RFX3: variants seen among roughly 807,000 people sequenced by gnomAD.
RFX3 encodes the protein transcription factor RFX3.
Under a neutral mutation model 98.6 loss-of-function variants are expected in RFX3, and 14 were observed. That is an observed-to-expected ratio of 0.14 (90% CI 0.09 to 0.22). RFX3 has a LOEUF of 0.22. Among genes scored for constraint, RFX3 ranks in the 10% least tolerant of loss-of-function variants. The pLI is 1.00. For missense variants in RFX3, 639 were observed against 926.9 expected (o/e 0.69, Z 4.03); for synonymous variants, 383 against 328.4 (o/e 1.17, Z -1.80).
At chr9:3,340,907 C>T (rs529273539) in intron 3 of RFX3, among the ~76,000 whole-genome samples, 1,827 of 152,206 alleles carry the variant, frequency 0.012, 28 homozygotes, top group African/African-American at 0.041. Context: ...TTACTGGGTA[C>T]ATACCCAAAG....
chr9:3,248,279 A>G, intron 14 of RFX3, 94 bp from the exon 15 acceptor site: 1 of 1,433,676 alleles, frequency 7.0e-7, no homozygotes. Flanking sequence ...TCAAGCTGGG[A>G]GTCTATATGG....
intron 1 of RFX3, among the ~76,000 whole-genome samples, chr9:3,516,876 C>T (rs1818231694): frequency 6.6e-6 from 1 of 152,130 alleles, no homozygotes; most frequent in African/African-American, 2.4e-5. Flanking sequence ...AAGCTGGCTC[C>T]GGCAGGAGCT....
intron 1 of RFX3, among the ~76,000 whole-genome samples, chr9:3,474,453 T>A (rs1243555134): frequency 6.6e-6 from 1 of 152,160 alleles, no homozygotes; most frequent in Non-Finnish European, 1.5e-5. Context: ...ACCTACACCA[T>A]TTGCAAGAAG....
chr9:3,351,516 C>A (rs1835124641), intron 2 of RFX3, among the ~76,000 whole-genome samples: 2 of 151,796 alleles, frequency 1.3e-5, no homozygotes, highest in Non-Finnish European at 2.9e-5. Context: ...GGACAACTAA[C>A]AACATAAACA....
chr9:3,271,968 C>T (rs1485575504), intron 9 of RFX3, among the ~76,000 whole-genome samples: 1 of 152,210 alleles, frequency 6.6e-6, no homozygotes, highest in African/African-American at 2.4e-5. Flanking sequence ...TTTCAAATCT[C>T]GGGGGCCTCA....
rs551678268 is a variant in RFX3 at position 3,507,174 on chromosome 9, A to T, written c.-9+18573T>A. On this transcript the variant is annotated intron_variant, in intron 1 of 16. Coordinates refer to ENST00000617270, the MANE Select transcript of RFX3 (RefSeq NM_001282116.2). ...AACTGAACAAACAAAAATCTAAATC[A>T]CAATTTCCAATTAGCAGAGATAATA... 5.9e-5 allele frequency among the ~76,000 whole-genome samples: 9 copies of T among 152,104 alleles called. No homozygotes were observed. The South Asian group carries it at 1.9e-3, about 31-fold the overall frequency.
chr9:3,321,775 C>T (rs995355319), intron 4 of RFX3, among the ~76,000 whole-genome samples: 2 of 152,064 alleles, frequency 1.3e-5, no homozygotes, highest in Admixed American at 6.6e-5. Flanking sequence ...TGATAAAACA[C>T]ACTTTTCTAT....
At chr9:3,460,413 T>A (rs79092445) in intron 1 of RFX3, among the ~76,000 whole-genome samples, 1 of 152,098 alleles carries the variant, frequency 6.6e-6, no homozygotes, top group East Asian at 1.9e-4. Context: ...TTTAACAACA[T>A]CACATAATAG....
intron 4 of RFX3, among the ~76,000 whole-genome samples, chr9:3,306,993 T>A (rs181615194): frequency 3.2e-4 from 49 of 152,086 alleles, no homozygotes; most frequent in Non-Finnish European, 5.3e-4. Context: ...GGCGGGTCTT[T>A]CCTGTGCTGT....
chr9:3,408,909 A>G (rs774647996), intron 1 of RFX3, among the ~76,000 whole-genome samples: 8 of 152,174 alleles, frequency 5.3e-5, no homozygotes, highest in Non-Finnish European at 8.8e-5. Context: ...AAATAAACTT[A>G]TTTTGCCAAA....
chr9:3,320,542 A>ACT (rs56723824), intron 4 of RFX3, among the ~76,000 whole-genome samples: 17,404 of 148,718 alleles, frequency 0.12, 1,151 homozygotes, highest in Middle Eastern at 0.19. Context: ...ACACAGCAAG[A>ACT]CTGTCCCACC....
intron 2 of RFX3, among the ~76,000 whole-genome samples, chr9:3,362,946 G>A (rs1326661614): frequency 6.6e-6 from 1 of 152,174 alleles, no homozygotes; most frequent in Non-Finnish European, 1.5e-5. Context: ...CGACAAAACA[G>A]GATAGATATT....
intron 3 of RFX3, among the ~76,000 whole-genome samples, chr9:3,340,541 T>A (rs1347052014): frequency 6.6e-6 from 1 of 151,964 alleles, no homozygotes; most frequent in Non-Finnish European, 1.5e-5. Context: ...CGCAATGAAC[T>A]CAAACAAATT....
At chr9:3,256,885 G>A in intron 14 of RFX3, 106 bp downstream of exon 14, 1 of 1,052,484 alleles carries the variant, frequency 9.5e-7, no homozygotes, top group Non-Finnish European at 1.4e-6. Flanking sequence ...ACAAACTAAA[G>A]TCTTTATTAC....
chr9:3,414,810 G>A (rs1450129651), intron 1 of RFX3, among the ~76,000 whole-genome samples: 1 of 70,806 alleles, frequency 1.4e-5, no homozygotes, highest in East Asian at 4.4e-4. Flanking sequence ...GAGTATATAT[G>A]TATATATGAG....
chr9:3,411,494 C>A (rs1328814930), intron 1 of RFX3, among the ~76,000 whole-genome samples: 1 of 151,924 alleles, frequency 6.6e-6, no homozygotes, highest in Non-Finnish European at 1.5e-5. Flanking sequence ...GGATTACAGG[C>A]ACCCGCCACC....
chr9:3,495,353 C>T (rs1018267265), intron 1 of RFX3, among the ~76,000 whole-genome samples: 3 of 151,790 alleles, frequency 2.0e-5, no homozygotes, highest in East Asian at 3.9e-4. Context: ...TGTACTGTAC[C>T]ATCCATAAGT....
intron 4 of RFX3, among the ~76,000 whole-genome samples, chr9:3,328,592 A>G (rs1832200231): frequency 1.3e-5 from 2 of 152,160 alleles, no homozygotes; most frequent in African/African-American, 4.8e-5. Context: ...AAAAAATTAC[A>G]AAAAGGAACT....
chr9:3,488,958 G>A, intron 1 of RFX3: 1 of 864,844 alleles, frequency 1.2e-6, no homozygotes, highest in Non-Finnish European at 1.4e-6. Context: ...GAAGACTGAT[G>A]GATTCTATTT....
Sources: allele counts gnomAD v4.1 joint callset (sites outside exome capture counted in the v4.1 genomes callset), GRCh38; gene constraint gnomAD v4.1.1; transcripts MANE v1.5; gene names NCBI Gene and HGNC (gene_info 2026-07-23, HGNC 2026-07-21).